The following LAMA2 variants were observed in gnomAD, a reference collection of about 807,000 sequenced individuals.
LAMA2 encodes the protein laminin subunit alpha 2, also known as laminin subunit alpha-2.
Under a neutral mutation model 364.8 loss-of-function variants are expected in LAMA2, and 269 were observed. That is an observed-to-expected ratio of 0.74 (90% confidence interval 0.67 to 0.82). The LOEUF (loss-of-function observed/expected upper bound fraction) is 0.82. LAMA2 is among the 40% of genes least tolerant of loss of function. LAMA2 has a pLI of 0.00. For synonymous variants in LAMA2, 1,379 were observed against 1,370.6 expected (o/e 1.01, Z -0.14); for missense variants, 3,807 against 3,873.2 (o/e 0.98, Z 0.45).
At chr6:129,487,382 A>G (rs1040015394) in intron 56 of LAMA2, among the ~76,000 whole-genome samples, 3 of 152,216 alleles carry the variant, frequency 2.0e-5, no homozygotes, top group African/African-American at 7.2e-5. Context: ...ACTCAGAGAG[A>G]TAATTAGTTT....
At chr6:128,962,844 T>C (rs975114851) in intron 1 of LAMA2, among the ~76,000 whole-genome samples, 3 of 152,360 alleles carry the variant, frequency 2.0e-5, no homozygotes, top group Middle Eastern at 6.8e-3. Flanking sequence ...TTACTGGCTC[T>C]ATTTCTCTTC....
At chr6:129,247,852 C>T (rs1235020147) in intron 12 of LAMA2, among the ~76,000 whole-genome samples, 1 of 152,068 alleles carries the variant, frequency 6.6e-6, no homozygotes, top group Non-Finnish European at 1.5e-5. Context: ...ATTTCTATTC[C>T]TTAGTTCATG....
At chr6:128,933,256 GTGTGTGTGTC>G (rs1210579149) in intron 1 of LAMA2, among the ~76,000 whole-genome samples, 1 of 151,366 alleles carries the variant, frequency 6.6e-6, no homozygotes, top group Non-Finnish European at 1.5e-5. Context: ...GTGTGTGTGT[GTGTGTGTGTC>G]TGTGTGTCTG....
intron 61 of LAMA2, among the ~76,000 whole-genome samples, chr6:129,505,749 G>C (rs1786013415): frequency 6.6e-6 from 1 of 151,838 alleles, no homozygotes; most frequent in Non-Finnish European, 1.5e-5. Context: ...AGCCAGGATG[G>C]TCTCAATCTC....
At position 129,453,032 on chromosome 6, in the gene LAMA2, C is replaced by T. The variant is rs1184277533; in HGVS notation, c.6474C>T (p.Tyr2158=). Residue 2158 remains tyrosine (Y), a synonymous_variant, in exon 46 of 65, where the codon TAC becomes TAT. Transcript: ENST00000421865. ...VSSGGDCIRT[Y]KPEIKKGSYN... The stretch of plus-strand genomic sequence containing the variant: ...CAGGAGGTGACTGCATTCGAACATA[C>T]AAACCAGAAATCAAGAAAGGAAGTT... 3 of 1,612,512 alleles carry T rather than the reference C, an allele frequency of 1.9e-6. No individual in the cohort carries two copies. The highest frequency in any genetic ancestry group is 2.2e-5 in the East Asian group (1 of 44,760).
At chr6:129,041,332 A>G (rs867123616) in intron 1 of LAMA2, among the ~76,000 whole-genome samples, 55 of 152,206 alleles carry the variant, frequency 3.6e-4, no homozygotes, top group African/African-American at 1.3e-3. Context: ...TTTATATGAG[A>G]TTAAAGAACT....
At chr6:129,306,330 T>G (rs1258589862) in intron 22 of LAMA2, among the ~76,000 whole-genome samples, 1 of 146,002 alleles carries the variant, frequency 6.8e-6, no homozygotes, top group Non-Finnish European at 1.5e-5. Flanking sequence ...TTTTTTTTTT[T>G]TTTGTTCCAG....
chr6:129,321,586 C>A (rs184357916), intron 28 of LAMA2, among the ~76,000 whole-genome samples: 1 of 152,290 alleles, frequency 6.6e-6, no homozygotes, highest in Admixed American at 6.5e-5. Context: ...TCTCCCTCAC[C>A]TACAGCCTGA....
chr6:129,469,243 G>A (rs1275862871), intron 51 of LAMA2, among the ~76,000 whole-genome samples: 1 of 151,870 alleles, frequency 6.6e-6, no homozygotes, highest in Non-Finnish European at 1.5e-5. Context: ...ATTACTCGAG[G>A]TGTCAGTGTG....
rs759918966 is a variant in LAMA2 at position 129,505,139 on chromosome 6, A to AT, written c.8548-60dup. 19 of 1,430,156 alleles carry AT rather than the reference A, an allele frequency of 1.3e-5. No individual in the cohort carries two copies. The African/African-American group carries it at 1.8e-4, about 14-fold the overall frequency. The allele number at this position is 1,430,156 out of a possible 1,614,324, so 88.6% of individuals were successfully genotyped here. ...AACATCGTTAGAGTCCTTATGTCTT[A>AT]TACTCTGCATATGTGAAATTTGTTC... On this transcript the variant is annotated intron_variant, in intron 60 of 64. Coordinates refer to ENST00000421865, the MANE Select transcript of LAMA2 (RefSeq NM_000426.4).
intron 32 of LAMA2, among the ~76,000 whole-genome samples, chr6:129,364,929 GT>G (rs1185468483): frequency 7.2e-5 from 11 of 152,222 alleles, no homozygotes; most frequent in Middle Eastern, 3.2e-3. Context: ...GCAGGAGGAA[GT>G]GGGGGCTGGA....
chr6:128,978,611 C>T (rs1037419624), intron 1 of LAMA2, among the ~76,000 whole-genome samples: 17 of 152,124 alleles, frequency 1.1e-4, no homozygotes, highest in African/African-American at 2.9e-4. Flanking sequence ...CCACCATGCC[C>T]GGTCAGTACC....
At chr6:129,351,962 A>G (rs1378286434) in intron 31 of LAMA2, among the ~76,000 whole-genome samples, 1 of 152,224 alleles carries the variant, frequency 6.6e-6, no homozygotes, top group African/African-American at 2.4e-5. Flanking sequence ...ACAGTCAGCC[A>G]TGCAGATTTC....
chr6:129,309,754 A>G (rs2114485644), intron 22 of LAMA2, among the ~76,000 whole-genome samples: 1 of 152,296 alleles, frequency 6.6e-6, no homozygotes, highest in African/African-American at 2.4e-5. Flanking sequence ...GTCCATATTT[A>G]TAATATACAA....
At chr6:129,228,617 G>A (rs1385750200) in intron 12 of LAMA2, among the ~76,000 whole-genome samples, 4 of 152,022 alleles carry the variant, frequency 2.6e-5, no homozygotes, top group Non-Finnish European at 5.9e-5. Context: ...TAACACATGT[G>A]TATAATACAG....
At chr6:129,336,041 G>T (rs1397405504) in intron 29 of LAMA2, among the ~76,000 whole-genome samples, 1 of 152,082 alleles carries the variant, frequency 6.6e-6, no homozygotes, top group East Asian at 1.9e-4. Flanking sequence ...CATCTTTCCA[G>T]GTTTTATAAA....
At chr6:129,483,469 A>G (rs1164438661) in intron 55 of LAMA2, among the ~76,000 whole-genome samples, 1 of 152,196 alleles carries the variant, frequency 6.6e-6, no homozygotes, top group African/African-American at 2.4e-5. Context: ...ATTGAATGAT[A>G]CCAAAGTATT....
chr6:128,945,715 A>C (rs1015491149), intron 1 of LAMA2, among the ~76,000 whole-genome samples: 1 of 152,168 alleles, frequency 6.6e-6, no homozygotes, highest in African/African-American at 2.4e-5. Context: ...TGGTAGGAAG[A>C]TTCTAAGATG....
At chr6:129,067,182 A>C (rs535663873) in intron 3 of LAMA2, among the ~76,000 whole-genome samples, 2 of 152,332 alleles carry the variant, frequency 1.3e-5, no homozygotes, top group East Asian at 3.9e-4. Context: ...TAAATTGGTG[A>C]ATACCAAACT....
Sources: allele counts gnomAD v4.1 joint callset (sites outside exome capture counted in the v4.1 genomes callset), GRCh38; gene constraint gnomAD v4.1.1; transcripts MANE v1.5; gene names NCBI Gene and HGNC (gene_info 2026-07-23, HGNC 2026-07-21).